UGGT2: variants seen among roughly 807,000 people sequenced by gnomAD.
The protein encoded by UGGT2 is UDP-glucose glycoprotein glucosyltransferase 2.
UGGT2 carries 180 observed loss-of-function variants against 192.1 expected under a neutral mutation model. The observed-to-expected ratio is 0.94, with a 90% CI of 0.83 to 1.06. The LOEUF is 1.06. UGGT2 is among the 50% of genes least tolerant of loss of function. UGGT2 has a pLI of 0.00. For missense variants in UGGT2, 1,849 were observed against 1,795.7 expected (o/e 1.03, Z -0.54); for synonymous variants, 580 against 591.0 (o/e 0.98, Z 0.27).
rs191077926 is a variant in UGGT2, at chr13:95,996,155, C to A, written c.758-20G>T. 1.9e-6 allele frequency: 3 copies of A among 1,587,272 alleles called. No homozygotes were observed. The highest frequency in any genetic ancestry group is 2.7e-5 in the African/African-American group (2 of 73,242). ...TCACAGCTACATTTTGGAAACAAAA[C>A]CAAAAAACAACAAAAATATTTTCAG... On this transcript the variant is annotated intron_variant, in intron 6 of 38. Coordinates refer to ENST00000376747, the MANE Select transcript of UGGT2 (RefSeq NM_020121.4).
At chr13:95,807,716 CTTTTTT>C in intron 38 of UGGT2, among the ~76,000 whole-genome samples, 1 of 78,706 alleles carries the variant, frequency 1.3e-5, no homozygotes, top group Non-Finnish European at 2.6e-5. Flanking sequence ...CAGCCCTCAC[CTTTTTT>C]TTTTTTTTTT....
intron 10 of UGGT2, 69 bp downstream of exon 10, chr13:95,983,735 T>C (rs2051201447): frequency 6.9e-6 from 8 of 1,157,462 alleles, no homozygotes; most frequent in Non-Finnish European, 9.8e-6. Context: ...TGTATGAATA[T>C]TGAAGATCCA....
At chr13:95,918,685 T>C (rs192413646) in intron 20 of UGGT2, among the ~76,000 whole-genome samples, 4 of 151,810 alleles carry the variant, frequency 2.6e-5, no homozygotes, top group East Asian at 3.9e-4. Flanking sequence ...AGCAATGATA[T>C]GGGGCATCAG....
At chr13:95,999,951 C>T (rs1258040906) in intron 5 of UGGT2, among the ~76,000 whole-genome samples, 1 of 152,100 alleles carries the variant, frequency 6.6e-6, no homozygotes, top group Non-Finnish European at 1.5e-5. Context: ...TTTATTCTTT[C>T]TACAAAGGGC....
intron 5 of UGGT2, among the ~76,000 whole-genome samples, chr13:96,009,581 A>G (rs1406430481): frequency 6.6e-6 from 1 of 152,188 alleles, no homozygotes; most frequent in South Asian, 2.1e-4. Flanking sequence ...GGGCTGAGGC[A>G]GGCGGATCAC....
At chr13:95,890,803 A>C in intron 25 of UGGT2, 59 bp downstream of exon 25, 1 of 1,328,096 alleles carries the variant, frequency 7.5e-7, no homozygotes, top group Non-Finnish European at 1.1e-6. Context: ...TTGAAAACAG[A>C]CTTGAAAAAA....
At chr13:95,930,989 G>T (rs1336872264) in intron 17 of UGGT2, among the ~76,000 whole-genome samples, 1 of 145,322 alleles carries the variant, frequency 6.9e-6, no homozygotes, top group Non-Finnish European at 1.6e-5. Flanking sequence ...GCATGGAAAG[G>T]GACCCAAGCG....
intron 30 of UGGT2, 123 bp from the exon 31 acceptor site, chr13:95,863,837 C>A: frequency 1.4e-6 from 1 of 722,200 alleles, no homozygotes; most frequent in Non-Finnish European, 2.4e-6. Context: ...TTGCAGTAAC[C>A]AAAGACAGGC....
At chr13:95,877,994 G>T in intron 27 of UGGT2, 138 bp from the exon 28 acceptor site, 1 of 830,214 alleles carries the variant, frequency 1.2e-6, no homozygotes, top group Non-Finnish European at 1.8e-6. Flanking sequence ...TTACACATGA[G>T]TGAATTCATG....
At chr13:95,815,977 C>T (rs1467110405) in intron 38 of UGGT2, among the ~76,000 whole-genome samples, 1 of 152,098 alleles carries the variant, frequency 6.6e-6, no homozygotes, top group African/African-American at 2.4e-5. Flanking sequence ...GTGTGTGGCA[C>T]CTTCCCCTTC....
intron 9 of UGGT2, chr13:95,985,232 T>C (rs768205426): frequency 3.4e-6 from 4 of 1,176,970 alleles, no homozygotes; most frequent in Non-Finnish European, 4.5e-6. Context: ...ATGACATTTA[T>C]ACACACCCAT....
chr13:95,952,467 A>G (rs2050096040), intron 12 of UGGT2, among the ~76,000 whole-genome samples: 1 of 152,176 alleles, frequency 6.6e-6, no homozygotes, highest in Non-Finnish European at 1.5e-5. Flanking sequence ...TATACCTTAA[A>G]TCATCTCTAG....
At chr13:95,804,157 G>A (rs1375514109) in intron 38 of UGGT2, among the ~76,000 whole-genome samples, 1 of 151,930 alleles carries the variant, frequency 6.6e-6, no homozygotes, top group African/African-American at 2.4e-5. Context: ...ATAAACAAGA[G>A]AAAATATAAG....
At chr13:95,914,855 A>T (rs1294005843) in intron 20 of UGGT2, among the ~76,000 whole-genome samples, 1 of 152,056 alleles carries the variant, frequency 6.6e-6, no homozygotes, top group African/African-American at 2.4e-5. Context: ...TAAGTATAAA[A>T]ATTATGAAGA....
chr13:95,849,509 C>T (rs937324039), intron 36 of UGGT2, among the ~76,000 whole-genome samples: 3 of 149,190 alleles, frequency 2.0e-5, no homozygotes, highest in African/African-American at 7.4e-5. Flanking sequence ...TGCCATTGCA[C>T]TCCGGCCTGG....
chr13:96,026,291 A>T (rs1463338099), intron 2 of UGGT2, among the ~76,000 whole-genome samples: 1 of 152,192 alleles, frequency 6.6e-6, no homozygotes, highest in Non-Finnish European at 1.5e-5. Context: ...AGAGTTATTC[A>T]TGAGGCACCA....
chr13:95,823,652 A>T (rs1008598955), intron 38 of UGGT2, among the ~76,000 whole-genome samples: 5 of 151,878 alleles, frequency 3.3e-5, no homozygotes, highest in African/African-American at 1.2e-4. Context: ...GTGAATTCTT[A>T]TATGTTAGTT....
At chr13:95,894,435 C>A (rs1438179374) in intron 24 of UGGT2, 127 bp downstream of exon 24, 3 of 688,978 alleles carry the variant, frequency 4.4e-6, no homozygotes, top group Non-Finnish European at 4.8e-6. Flanking sequence ...CTAATACTGT[C>A]AAATACATTT....
intron 17 of UGGT2, among the ~76,000 whole-genome samples, chr13:95,931,930 G>C (rs143090907): frequency 6.6e-6 from 1 of 151,926 alleles, no homozygotes; most frequent in African/African-American, 2.4e-5. Context: ...TGGCCAGAGC[G>C]GACGCCGAGG....
Sources: gnomAD v4.1 joint callset for allele counts (sites outside exome capture counted in the v4.1 genomes callset) on GRCh38, gnomAD v4.1.1 for gene constraint, MANE v1.5 for transcripts, NCBI Gene and HGNC (gene_info 2026-07-23, HGNC 2026-07-21) for gene names.